GABRB2: variants seen among roughly 807,000 people sequenced by gnomAD.
GABRB2 encodes gamma-aminobutyric acid receptor subunit beta-2.
GABRB2 carries 16 observed loss-of-function variants against 54.7 expected under a neutral mutation model. The observed-to-expected ratio is 0.29, with a 90% CI of 0.20 to 0.44. GABRB2 has a LOEUF of 0.44. Among genes scored for constraint, GABRB2 ranks in the 20% least tolerant of loss-of-function variants. The probability of loss-of-function intolerance (pLI) is 1.00; values close to 1 mark genes in which losing one functional copy is unlikely to be tolerated. For missense variants in GABRB2, 355 were observed against 644.0 expected (o/e 0.55, Z 4.86); for synonymous variants, 244 against 233.8 (o/e 1.04, Z -0.40).
At chr5:161,395,816 A>T (rs112958034) in intron 5 of GABRB2, among the ~76,000 whole-genome samples, 1,620 of 152,212 alleles carry the variant, frequency 0.011, 34 homozygotes, top group South Asian at 0.051. Flanking sequence ...TGGGCTGAAG[A>T]GCCAAGACTG....
At chr5:161,419,240 A>G (rs1756776944) in intron 4 of GABRB2, among the ~76,000 whole-genome samples, 1 of 152,258 alleles carries the variant, frequency 6.6e-6, no homozygotes, top group East Asian at 1.9e-4. Context: ...AGAGAAATGC[A>G]TGTTAAAACC....
intron 4 of GABRB2, among the ~76,000 whole-genome samples, chr5:161,452,256 C>T (rs992499756): frequency 3.3e-5 from 5 of 152,006 alleles, no homozygotes; most frequent in Admixed American, 6.6e-5. Flanking sequence ...CCGTTTTATG[C>T]GTAATGAGAT....
intron 4 of GABRB2, among the ~76,000 whole-genome samples, chr5:161,458,392 C>G (rs1342197076): frequency 6.6e-6 from 1 of 152,308 alleles, no homozygotes; most frequent in East Asian, 1.9e-4. Flanking sequence ...GTGTTTGCCA[C>G]AGAGTACAAA....
intron 5 of GABRB2, among the ~76,000 whole-genome samples, chr5:161,373,378 T>A (rs1301552312): frequency 6.6e-6 from 1 of 152,128 alleles, no homozygotes; most frequent in African/African-American, 2.4e-5. Context: ...AGAAGAAGAC[T>A]AAACAATATA....
intron 5 of GABRB2, among the ~76,000 whole-genome samples, chr5:161,379,490 A>G (rs1228674767): frequency 6.6e-6 from 1 of 152,182 alleles, no homozygotes; most frequent in Non-Finnish European, 1.5e-5. Context: ...AAGAAATCTC[A>G]CAGCAATCAC....
At chr5:161,534,955 C>T (rs1760586217) in intron 3 of GABRB2, among the ~76,000 whole-genome samples, 1 of 152,112 alleles carries the variant, frequency 6.6e-6, no homozygotes, top group African/African-American at 2.4e-5. Flanking sequence ...GTAGAATATT[C>T]ATATAGTGCC....
intron 3 of GABRB2, among the ~76,000 whole-genome samples, chr5:161,473,926 G>A (rs2113304766): frequency 6.6e-6 from 1 of 152,066 alleles, no homozygotes; most frequent in Non-Finnish European, 1.5e-5. Flanking sequence ...CATCAGTCTG[G>A]TAGAAGAGAA....
chr5:161,360,724 CA>C (rs1238451272), intron 5 of GABRB2, among the ~76,000 whole-genome samples: 3 of 152,034 alleles, frequency 2.0e-5, no homozygotes, highest in Admixed American at 6.6e-5. Context: ...GCTAACACCA[CA>C]AAAAGAGAGG....
chr5:161,464,118 G>GT (rs961280348), intron 3 of GABRB2, among the ~76,000 whole-genome samples: 13 of 151,692 alleles, frequency 8.6e-5, no homozygotes, highest in South Asian at 2.1e-4. Flanking sequence ...AGAATTTAAG[G>GT]TTTTTTTTCC....
chr5:161,522,106 G>A (rs967993237), intron 3 of GABRB2, among the ~76,000 whole-genome samples: 2 of 151,760 alleles, frequency 1.3e-5, no homozygotes, highest in African/African-American at 4.8e-5. Context: ...TCAGTAAGAA[G>A]GGTGTCATTT....
At chr5:161,546,829 A>G, upstream of GABRB2, 1 of 1,316,368 alleles carries the variant, frequency 7.6e-7, no homozygotes, top group Non-Finnish European at 1.0e-6. Flanking sequence ...ATTAAAAGGG[A>G]AAAAGGAAAA....
chr5:161,488,433 T>A (rs1249588605), intron 3 of GABRB2, among the ~76,000 whole-genome samples: 4 of 151,720 alleles, frequency 2.6e-5, no homozygotes, highest in African/African-American at 9.7e-5. Context: ...TACCTATGGA[T>A]CATTACCTCA....
intron 3 of GABRB2, among the ~76,000 whole-genome samples, chr5:161,523,013 A>C (rs1204959542): frequency 6.6e-6 from 1 of 151,486 alleles, no homozygotes; most frequent in Non-Finnish European, 1.5e-5. Flanking sequence ...AATTTTAATA[A>C]GCCTTATACA....
intron 3 of GABRB2, among the ~76,000 whole-genome samples, chr5:161,485,995 C>G (rs903160401): frequency 1.3e-5 from 2 of 151,874 alleles, no homozygotes; most frequent in Admixed American, 1.3e-4. Context: ...AGCACCTAGT[C>G]TCAGTCATAC....
chr5:161,367,228 T>A (rs1754996457), intron 5 of GABRB2, among the ~76,000 whole-genome samples: 1 of 152,220 alleles, frequency 6.6e-6, no homozygotes, highest in Non-Finnish European at 1.5e-5. Flanking sequence ...TTTGCATTTT[T>A]AAAACTATTT....
chr5:161,386,788 G>A (rs890148363), intron 5 of GABRB2, among the ~76,000 whole-genome samples: 2 of 148,848 alleles, frequency 1.3e-5, no homozygotes, highest in African/African-American at 5.0e-5. Flanking sequence ...ACCTCCCAAA[G>A]TGCTGGTATT....
intron 5 of GABRB2, among the ~76,000 whole-genome samples, chr5:161,403,988 G>C (rs1304560103): frequency 6.6e-6 from 1 of 152,040 alleles, no homozygotes; most frequent in African/African-American, 2.4e-5. Context: ...GAATTTCCTT[G>C]TGTTATTTTT....
chr5:161,404,559 T>G (rs2113092837), intron 5 of GABRB2, among the ~76,000 whole-genome samples: 1 of 152,072 alleles, frequency 6.6e-6, no homozygotes, highest in East Asian at 1.9e-4. Context: ...ATCAAAATAT[T>G]CAAGAAGGTT....
intron 5 of GABRB2, among the ~76,000 whole-genome samples, chr5:161,380,727 T>C (rs1159170): frequency 0.92 from 140,151 of 152,228 alleles, 64,607 homozygotes; most frequent in African/African-American, 0.98. Context: ...TTGAAAACCA[T>C]AAATGCTGCA....
Sources: gnomAD v4.1 joint callset for allele counts (sites outside exome capture counted in the v4.1 genomes callset) on GRCh38, gnomAD v4.1.1 for gene constraint, MANE v1.5 for transcripts, NCBI Gene and HGNC (gene_info 2026-07-23, HGNC 2026-07-21) for gene names.